Variants in CCDC82 observed in about 807,000 individuals in gnomAD.
CCDC82 encodes the protein coiled-coil domain containing 82, also known as coiled-coil domain-containing protein 82.
A neutral mutation model predicts 60.6 loss-of-function variants in CCDC82; 47 were observed. The ratio of observed to expected loss-of-function variants is 0.77; its 90% confidence interval spans 0.61 to 0.99. The LOEUF (loss-of-function observed/expected upper bound fraction) is 0.99. Among genes scored for constraint, CCDC82 ranks in the 50% least tolerant of loss-of-function variants. The pLI is 0.00. For synonymous variants in CCDC82, 212 were observed against 207.4 expected, an observed-to-expected ratio of 1.02 and a Z score of -0.19; for missense variants, 588 against 633.0, an observed-to-expected ratio of 0.93 and a Z score of 0.76.
chr11:96,357,535 CT>C (rs1864410985), intron 9 of CCDC82: 7 of 985,282 alleles, frequency 7.1e-6, no homozygotes, highest in Non-Finnish European at 8.4e-6. Flanking sequence ...TGTCCTAAAC[CT>C]TGTTAAGCTT....
At position 96,384,344 on chromosome 11, in the gene CCDC82, T is replaced by C; in HGVS notation, c.404A>G (p.Asn135Ser). 2 of 1,613,884 alleles carry C rather than the reference T, an allele frequency of 1.2e-6. No homozygotes were observed. Among genetic ancestry groups the C allele is most frequent in the Non-Finnish European group, 1.7e-6 (2 of 1,179,872 alleles). Residue 135 changes from asparagine (N) to serine (S), a missense_variant, in exon 4 of 10, where the codon AAT becomes AGT. By Grantham distance (46) the Asn-to-Ser change is conservative (BLOSUM62 1). Transcript: ENST00000646818. ...TTGTCCAGTTTGTTTGTTGAGATCA[T>C]TATCCTCTTGACTTAAATGTTTTTC... is the stretch of plus-strand genomic sequence containing the variant. ...DQEKHLSQEDNDLNKQTGQII... is the reference protein window; with the variant it reads ...DQEKHLSQEDSDLNKQTGQII...
intron 8 of CCDC82, among the ~76,000 whole-genome samples, chr11:96,360,819 T>G (rs1298705167): frequency 6.6e-6 from 1 of 152,194 alleles, no homozygotes; most frequent in Non-Finnish European, 1.5e-5. Context: ...AGAAGTTATA[T>G]CACAATGATT....
At position 96,373,390 on chromosome 11, in the gene CCDC82, G is replaced by A; in HGVS notation, c.1069C>T (p.Leu357=). ...LLINALDESF[L]GTLYDGTRQK... ...ATTAACTTACCATATAATGTTCCCA[G>A]AAAAGATTCATCTAAAGCGTTGATC... The change falls in exon 6 of 10, where the codon CTG becomes TTG. Residue 357 remains leucine, a synonymous_variant. Coordinates refer to ENST00000646818, the MANE Select transcript of CCDC82 (RefSeq NM_024725.4). 1 of 1,602,514 alleles carries A rather than the reference G, an allele frequency of 6.2e-7. No homozygotes were observed. The highest frequency in any genetic ancestry group is 8.5e-7 in the Non-Finnish European group (1 of 1,171,624).
In CCDC82 at chr11:96,352,809, GAA is replaced by G. The variant is rs1306317735; in HGVS notation, c.*835_*836del. 1 of 152,152 alleles carries G rather than the reference GAA, an allele frequency of 6.6e-6. No homozygotes were observed. Among genetic ancestry groups the G allele is most frequent in the African/African-American group, 2.4e-5 (1 of 41,418 alleles). The allele number at this position is 152,152 out of a possible 1,614,324, so 9.4% of individuals were successfully genotyped here. A position where few individuals can be genotyped will look rare whatever the true frequency, so the allele number is the denominator to read the frequency against. ...ACCATTTTACTTTATTACTTTATGGGAAAATTTAGATATGCAAAGCAATGCAG... is the reference window on the plus strand; with the variant it reads ...ACCATTTTACTTTATTACTTTATGGGAATTTAGATATGCAAAGCAATGCAG... On this transcript the variant is annotated 3_prime_UTR_variant, in exon 10 of 10. Transcript: ENST00000646818.
chr11:96,375,684 C>T (rs530185312), intron 5 of CCDC82, among the ~76,000 whole-genome samples: 21 of 152,244 alleles, frequency 1.4e-4, no homozygotes, highest in South Asian at 6.2e-4. Flanking sequence ...CAGTAAGTTT[C>T]GGAACTAGGG....
chr11:96,380,517 T>C (rs1332201982), intron 5 of CCDC82: 1 of 151,796 alleles, frequency 6.6e-6, no homozygotes, highest in Non-Finnish European at 1.5e-5. Flanking sequence ...CTTATGTCCA[T>C]AGAAAAACCT....
At position 96,365,167 on chromosome 11, in the gene CCDC82, T is replaced by G; in HGVS notation, c.1210-17A>C. On this transcript the variant is annotated splice_polypyrimidine_tract_variant and intron_variant, in intron 7 of 9. Coordinates refer to ENST00000646818, the MANE Select transcript of CCDC82 (RefSeq NM_024725.4). The stretch of plus-strand genomic sequence containing the variant: ...TACTCGCTCCTGAAAACAAAAAATA[T>G]AAAAAAAAGTTTAAAAGATAAAGAA... The G allele has an allele frequency of 6.9e-7, 1 of 1,447,690 alleles. No individual in the cohort carries two copies. The highest frequency in any genetic ancestry group is 9.3e-7 in the Non-Finnish European group (1 of 1,072,262). 89.7% of individuals were successfully genotyped at this position (1,447,690 alleles called of 1,614,324 possible). A position where few individuals can be genotyped will look rare whatever the true frequency, so the allele number is the denominator to read the frequency against.
At chr11:96,381,933 G>C (rs1328051009) in intron 5 of CCDC82, 2 of 151,844 alleles carry the variant, frequency 1.3e-5, no homozygotes, top group African/African-American at 4.8e-5. Context: ...CAAACTACTA[G>C]TAATCATTAC....
intron 5 of CCDC82, among the ~76,000 whole-genome samples, chr11:96,373,668 A>G (rs536596591): frequency 7.9e-5 from 12 of 152,344 alleles, no homozygotes; most frequent in Non-Finnish European, 1.8e-4. Flanking sequence ...CTTCCAATCC[A>G]AAGTGTCTAC....
At chr11:96,375,956 C>T (rs545757761) in intron 5 of CCDC82, among the ~76,000 whole-genome samples, 50 of 152,198 alleles carry the variant, frequency 3.3e-4, no homozygotes, top group African/African-American at 1.2e-3. Context: ...TGCTTTAATC[C>T]CTATATTGAA....
intron 6 of CCDC82, among the ~76,000 whole-genome samples, chr11:96,371,630 CAAAA>C (rs34835471): frequency 6.6e-6 from 1 of 152,038 alleles, no homozygotes; most frequent in Admixed American, 6.5e-5. Context: ...TTTCTGATAA[CAAAA>C]AAAGTCAGAT....
chr11:96,359,042 GTTTC>G lies in CCDC82; in HGVS notation c.1513_1516del (p.Glu505GlnfsTer49), dbSNP rs1435213501. Reference sequence around the variant, plus strand: ...TGACCGCCTGAAAATTCTTTCCACTGTTTCTTTAACTTGTTCATCTTCAACTTCT... The same window carrying G: ...TGACCGCCTGAAAATTCTTTCCACTGTTTAACTTGTTCATCTTCAACTTCT... On this transcript the variant is annotated frameshift_variant, in exon 9 of 10. Transcript: ENST00000646818. LOFTEE classifies it high-confidence loss of function. 6.8e-6 allele frequency: 11 copies of G among 1,609,602 alleles called. No individual in the cohort carries two copies. Among genetic ancestry groups the G allele is most frequent in the Non-Finnish European group, 9.3e-6 (11 of 1,178,806 alleles).
rs1865465478 is a variant in CCDC82, at chr11:96,374,574, A to G, written c.992-1107T>C. 5.9e-5 allele frequency among the ~76,000 whole-genome samples: 9 copies of G among 152,338 alleles called. No homozygotes were observed. In the South Asian group the frequency reaches 1.7e-3, roughly 28 times the overall value. On this transcript the variant is annotated intron_variant, in intron 5 of 9. Transcript: ENST00000646818. ...TAGATGGCCTATGATCAAAGGCAAT[A>G]ATCATGGCCTTTAATGAATATAATA... is the stretch of plus-strand genomic sequence containing the variant.
Position 96,353,715 on chromosome 11 carries a change from C to T in CCDC82, c.1567-1G>A. The T allele has an allele frequency of 6.2e-7, 1 of 1,605,876 alleles. No homozygotes were observed. The highest frequency in any genetic ancestry group is 1.1e-5 in the South Asian group (1 of 90,754). ...GATATTCTTCAAGTTGACCATATTT[C>T]TGCATATACAATAGAAAAGCTAGTT... On this transcript the variant is annotated splice_acceptor_variant, in intron 9 of 9. Transcript: ENST00000646818. LOFTEE classifies it high-confidence loss of function.
Position 96,384,409 on chromosome 11 carries a change from C to A in CCDC82, c.339G>T (p.Thr113=), listed in dbSNP as rs575911765. The change falls in exon 4 of 10, where the codon ACG becomes ACT. Residue 113 remains threonine (T), a synonymous_variant. Transcript: ENST00000646818. ...CAATATTCCTATGTTTGATTTTGTT[C>A]GTTTCTTCTTCATATGTTGAACCGT... The part of the protein sequence containing the change: ...SGNGSTYEEE[T]NKIKHRNIDL... The A allele has an allele frequency of 1.2e-6, 2 of 1,613,538 alleles. No individual in the cohort carries two copies. Among genetic ancestry groups the A allele is most frequent in the African/African-American group, 2.7e-5 (2 of 74,920 alleles).
chr11:96,385,630 T>C (rs1866151325), intron 3 of CCDC82: 1 of 152,078 alleles, frequency 6.6e-6, no homozygotes, highest in Non-Finnish European at 1.5e-5. Context: ...ATAGAAAACT[T>C]AACTAACAAT....
chr11:96,372,574 A>G (rs946827538), intron 6 of CCDC82, among the ~76,000 whole-genome samples: 3 of 149,506 alleles, frequency 2.0e-5, no homozygotes, highest in African/African-American at 7.3e-5. Flanking sequence ...CAATATATTT[A>G]TAGTCTATTA....
chr11:96,356,938 G>A (rs1864378497), intron 9 of CCDC82: 3 of 985,472 alleles, frequency 3.0e-6, no homozygotes, highest in Non-Finnish European at 2.4e-6. Context: ...AATAGTACGT[G>A]TAAGGCAACA....
In CCDC82 at chr11:96,375,039, TG is replaced by T. The variant is rs1310342845; in HGVS notation, c.992-1573del. Among the ~76,000 whole-genome samples, 6 of 152,238 alleles carry T rather than the reference TG, an allele frequency of 3.9e-5. No homozygotes were observed. The South Asian group carries it at 6.2e-4, about 16-fold the overall frequency. ...ATTTGACTAGACTGTTATCAAACTC[TG>T]GACATAATATAATATTGGGCAATTT... is the stretch of plus-strand genomic sequence containing the variant. On this transcript the variant is annotated intron_variant, in intron 5 of 9. Coordinates refer to ENST00000646818, the MANE Select transcript of CCDC82 (RefSeq NM_024725.4).
Sources: allele counts gnomAD v4.1 joint callset (sites outside exome capture counted in the v4.1 genomes callset), GRCh38; gene constraint gnomAD v4.1.1; transcripts MANE v1.5; gene names NCBI Gene and HGNC (gene_info 2026-07-23, HGNC 2026-07-21).